Variants in NEBL observed in about 807,000 individuals in gnomAD.
NEBL encodes nebulette.
NEBL carries 122 observed loss-of-function variants against 140.2 expected under a neutral mutation model. The observed-to-expected ratio is 0.87, with a 90% CI of 0.75 to 1.01. NEBL has a LOEUF of 1.01. NEBL is among the 50% of genes least tolerant of loss of function. The pLI is 0.00. For synonymous variants in NEBL, 436 were observed against 398.9 expected (o/e 1.09, Z -1.11); for missense variants, 1,365 against 1,231.3 (o/e 1.11, Z -1.62).
At chr10:21,276,309 T>G (rs1842924755) in intron 1 of NEBL, among the ~76,000 whole-genome samples, 1 of 152,106 alleles carries the variant, frequency 6.6e-6, no homozygotes, top group African/African-American at 2.4e-5. Flanking sequence ...AAACCTAGAA[T>G]TTTTCTTCTA....
At chr10:21,136,146 G>C (rs1191664628) in intron 2 of NEBL, among the ~76,000 whole-genome samples, 1 of 152,158 alleles carries the variant, frequency 6.6e-6, no homozygotes, top group Non-Finnish European at 1.5e-5. Flanking sequence ...CTTTCCACAA[G>C]TTTGGTCCTC....
chr10:20,938,999 G>C (rs1395135015), intron 4 of NEBL, among the ~76,000 whole-genome samples: 4 of 152,212 alleles, frequency 2.6e-5, no homozygotes, highest in Admixed American at 2.6e-4. Context: ...ATGGAACCAA[G>C]TTGGAAAACA....
intron 2 of NEBL, among the ~76,000 whole-genome samples, chr10:21,157,788 G>A (rs1393823583): frequency 1.3e-5 from 2 of 152,228 alleles, no homozygotes; most frequent in Non-Finnish European, 2.9e-5. Context: ...TGACCTATTT[G>A]GAGATAGGGT....
intron 2 of NEBL, among the ~76,000 whole-genome samples, chr10:21,089,858 C>T (rs45616141): frequency 0.1 from 15,777 of 152,094 alleles, 873 homozygotes; most frequent in South Asian, 0.16. Context: ...AAAAACATGT[C>T]CATAGTTCCA....
chr10:21,200,552 G>A (rs1841719032), intron 3 of NEBL, among the ~76,000 whole-genome samples: 1 of 152,070 alleles, frequency 6.6e-6, no homozygotes, highest in Non-Finnish European at 1.5e-5. Flanking sequence ...TACCTCAGAT[G>A]ATCCACCTGC....
intron 2 of NEBL, chr10:21,029,919 T>C: frequency 1.7e-6 from 1 of 601,792 alleles, no homozygotes; most frequent in Non-Finnish European, 3.1e-6. Flanking sequence ...ACAGATGGGA[T>C]GATGGGTCGT....
intron 3 of NEBL, among the ~76,000 whole-genome samples, chr10:21,014,743 G>T (rs777184024): frequency 6.6e-6 from 1 of 152,168 alleles, no homozygotes; most frequent in South Asian, 2.1e-4. Flanking sequence ...GGCAAGCCAC[G>T]TTACTGCCTT....
chr10:21,233,781 ATATATGCATATATATTACATATATAGAT>A (rs1446561047), intron 3 of NEBL, among the ~76,000 whole-genome samples: 5 of 144,204 alleles, frequency 3.5e-5, no homozygotes, highest in African/African-American at 1.3e-4. Flanking sequence ...ATAAATGCAT[ATATATGCATATATATTACATATATAGAT>A]ATATATTACA....
chr10:21,188,655 C>G (rs1308057689), intron 3 of NEBL, among the ~76,000 whole-genome samples: 3 of 144,948 alleles, frequency 2.1e-5, no homozygotes, highest in African/African-American at 7.8e-5. Flanking sequence ...GGCTGGAGTG[C>G]AATGGCACAA....
At chr10:21,134,996 C>T (rs949790778) in intron 2 of NEBL, among the ~76,000 whole-genome samples, 20 of 152,176 alleles carry the variant, frequency 1.3e-4, no homozygotes, top group Admixed American at 9.8e-4. Flanking sequence ...GATTATTCAG[C>T]TCGATTATTC....
At chr10:20,958,507 G>A (rs578200390) in intron 4 of NEBL, among the ~76,000 whole-genome samples, 19 of 152,210 alleles carry the variant, frequency 1.2e-4, no homozygotes, top group African/African-American at 3.4e-4. Context: ...GATTTGGCTC[G>A]ATTTCCTGAC....
rs1332906470 is a variant in NEBL, at chr10:21,280,781, AT to A, written n.182+12048del. On this transcript the variant is annotated intron_variant and non_coding_transcript_variant, in intron 1 of 8. Transcript: ENST00000675702. Reference sequence around the variant, plus strand: ...AGGCACACACCATCGCGCATGGCTAATTGTTGTATTTTTAGTAGAGACAGGG... The same window carrying A: ...AGGCACACACCATCGCGCATGGCTAATGTTGTATTTTTAGTAGAGACAGGG... Among the ~76,000 whole-genome samples the A allele has an allele frequency of 4.6e-5, 7 of 151,744 alleles. No homozygotes were observed. The East Asian group carries it at 1.4e-3, about 30-fold the overall frequency.
chr10:20,971,463 T>C (rs1836566635), intron 3 of NEBL, among the ~76,000 whole-genome samples: 1 of 151,694 alleles, frequency 6.6e-6, no homozygotes, highest in South Asian at 2.1e-4. Flanking sequence ...TTTTTTATTA[T>C]ACTTTAAGTT....
In NEBL at chr10:21,155,177, C is replaced by T. The variant is rs771092815; in HGVS notation, c.164+17206G>A. ...TCTCGCCACTGCACTCCAGCCTCGGCGACAGAGCAAGACTCCCTCACACAC... is the reference window on the plus strand; with the variant it reads ...TCTCGCCACTGCACTCCAGCCTCGGTGACAGAGCAAGACTCCCTCACACAC... On this transcript the variant is annotated intron_variant, in intron 2 of 6. Transcript: ENST00000417816. Among the ~76,000 whole-genome samples the T allele has an allele frequency of 1.3e-5, 2 of 152,034 alleles. 1 individual carries two copies. Among genetic ancestry groups the T allele is most frequent in the African/African-American group, 4.8e-5 (2 of 41,382 alleles).
intron 2 of NEBL, among the ~76,000 whole-genome samples, chr10:21,061,041 T>C (rs912363322): frequency 1.3e-5 from 2 of 151,592 alleles, no homozygotes; most frequent in African/African-American, 2.4e-5. Flanking sequence ...TATTTGGAAA[T>C]AGGGTCTTTG....
chr10:21,290,806 C>T (rs1049474402), intron 1 of NEBL, among the ~76,000 whole-genome samples: 1 of 152,232 alleles, frequency 6.6e-6, no homozygotes, highest in Non-Finnish European at 1.5e-5. Flanking sequence ...CCTACACCCC[C>T]CATTTCCCTC....
chr10:20,835,557 G>C lies in NEBL; in HGVS notation c.1405C>G (p.Leu469Val). The C allele has an allele frequency of 3.1e-6, 5 of 1,612,732 alleles. No homozygotes were observed. Among genetic ancestry groups the C allele is most frequent in the Non-Finnish European group, 4.2e-6 (5 of 1,179,912 alleles). The change falls in exon 14 of 28, where the codon CTT (leucine) becomes GTT (valine). Residue 469 changes from leucine to valine, a missense_variant. Leu to Val is a conservative substitution (Grantham distance 32). Coordinates refer to ENST00000377122, the MANE Select transcript of NEBL (RefSeq NM_006393.3). The part of the protein sequence containing the change: ...GKGMQAGTDT[L>V]EMQHAKKAAE... ...GCCTTCTTGGCATGCTGCATTTCAA[G>C]GGTGTCAGTGCCAGCTTGCATTCCT... is the stretch of plus-strand genomic sequence containing the variant.
chr10:21,110,313 T>C (rs987749156), intron 2 of NEBL, among the ~76,000 whole-genome samples: 1 of 152,170 alleles, frequency 6.6e-6, no homozygotes, highest in African/African-American at 2.4e-5. Flanking sequence ...ATAACGGTAA[T>C]GTTCTTAAAT....
intron 4 of NEBL, among the ~76,000 whole-genome samples, chr10:20,924,589 T>A (rs1833788480): frequency 6.6e-6 from 1 of 150,396 alleles, no homozygotes. Flanking sequence ...AGGGCTCTGG[T>A]CATTTCTGAT....
Sources: allele counts gnomAD v4.1 joint callset (sites outside exome capture counted in the v4.1 genomes callset), GRCh38; gene constraint gnomAD v4.1.1; transcripts MANE v1.5; gene names NCBI Gene and HGNC (gene_info 2026-07-23, HGNC 2026-07-21).